ZNF469: variants seen among roughly 807,000 people sequenced by gnomAD.
ZNF469 encodes the protein zinc finger protein 469.
A neutral mutation model predicts 1.0 loss-of-function variants in ZNF469; 1 was observed. The ratio of observed to expected loss-of-function variants is 1.00; its 90% CI spans 0.35 to 4.73. The LOEUF (loss-of-function observed/expected upper bound fraction) is 4.73, where lower values mean the gene tolerates loss of function less well. ZNF469 is among the 30% of genes most tolerant of loss of function. The pLI, the probability that ZNF469 is intolerant of heterozygous loss-of-function variation, is 0.16. For synonymous variants in ZNF469, 2,703 were observed against 2,363.4 expected, an observed-to-expected ratio of 1.14 and a Z score of -4.17; for missense variants, 6,100 against 5,356.3, an observed-to-expected ratio of 1.14 and a Z score of -4.33.
the ZNF469 span, among the ~76,000 whole-genome samples, chr16:88,208,895 G>C: frequency 0.66 from 98,352 of 149,008 alleles, 33,085 homozygotes; most frequent in East Asian, 0.77. Flanking sequence ...ATACCTGCGA[G>C]TCCTTCCCCA....
chr16:88,398,207 A>T lies in ZNF469; in HGVS notation c.-192+14953A>T, dbSNP rs868454303. Among the ~76,000 whole-genome samples, 262 of 152,230 alleles carry T rather than the reference A, an allele frequency of 1.7e-3. 1 individual carries two copies. The highest frequency in any genetic ancestry group is 6.1e-3 in the African/African-American group (252 of 41,530). The stretch of plus-strand genomic sequence containing the variant: ...TGGCAGGTGGGGCTGTGCTCCCTCC[A>T]CCACCCTCCTCACTACTGGTCCTGT... On this transcript the variant is annotated intron_variant, in intron 1 of 2. Coordinates refer to ENST00000565624, the MANE Select transcript of ZNF469 (RefSeq NM_001367624.2).
At chr16:88,151,992 G>A in the ZNF469 span, among the ~76,000 whole-genome samples, 1 of 152,220 alleles carries the variant, frequency 6.6e-6, no homozygotes, top group Non-Finnish European at 1.5e-5. This position sits in a 1 kb window ranked among gnomAD's most constrained non-coding sequence, Gnocchi z 5.4. Context: ...CACACCAGCA[G>A]TAGATACTCC....
At chr16:88,266,453 G>A in the ZNF469 span, among the ~76,000 whole-genome samples, 2 of 152,218 alleles carry the variant, frequency 1.3e-5, no homozygotes, top group African/African-American at 2.4e-5. Flanking sequence ...TCGTGTCCTC[G>A]GGGTCTCACG....
rs765302112 is a variant in ZNF469 at position 88,431,890 on chromosome 16, G to C, written c.4420G>C (p.Ala1474Pro). 16 of 1,549,722 alleles carry C rather than the reference G, an allele frequency of 1.0e-5. No individual in the cohort carries two copies. Among genetic ancestry groups the C allele is most frequent in the Middle Eastern group, 1.7e-4 (1 of 5,990 alleles). ...CCCACCCCTCTATGGCAGCCTGTCT[G>C]CGAACAGGGACTCCGGTCTGCCGTT... The part of the protein sequence containing the change: ...FDPPLYGSLS[A>P]NRDSGLPFAC... Residue 1474 changes from alanine (A) to proline (P), a missense_variant, in exon 3 of 3, where the codon GCG (alanine) becomes CCG (proline). Transcript: ENST00000565624.
At chr16:88,340,015 A>C in the ZNF469 span, among the ~76,000 whole-genome samples, 1 of 151,994 alleles carries the variant, frequency 6.6e-6, no homozygotes, top group Non-Finnish European at 1.5e-5. Flanking sequence ...CTGAGCATGC[A>C]GGGGACAGGT....
At chr16:88,146,336 T>C in the ZNF469 span, among the ~76,000 whole-genome samples, 3 of 152,168 alleles carry the variant, frequency 2.0e-5, no homozygotes, top group Non-Finnish European at 4.4e-5. Context: ...CTTCTGGCTG[T>C]CTTTGTGCCT....
the ZNF469 span, among the ~76,000 whole-genome samples, chr16:88,321,078 G>A: frequency 6.6e-6 from 1 of 152,256 alleles, no homozygotes; most frequent in African/African-American, 2.4e-5. Flanking sequence ...CAGCCAGTCG[G>A]TCCCAGGTTG....
At chr16:88,316,985 C>T in the ZNF469 span, among the ~76,000 whole-genome samples, 50 of 152,304 alleles carry the variant, frequency 3.3e-4, 2 homozygotes, top group African/African-American at 1.2e-3. Flanking sequence ...CACCTGACCT[C>T]GGCATTCTCC....
At chr16:88,343,292 G>T in the ZNF469 span, among the ~76,000 whole-genome samples, 27 of 152,168 alleles carry the variant, frequency 1.8e-4, no homozygotes, top group Non-Finnish European at 4.0e-4. Flanking sequence ...AAAATCCCAA[G>T]GATAGAATAA....
chr16:88,218,257 T>A, the ZNF469 span, among the ~76,000 whole-genome samples: 2 of 149,832 alleles, frequency 1.3e-5, no homozygotes, highest in African/African-American at 4.9e-5. Context: ...GAAGTGTCTG[T>A]TCATGTACTT....
chr16:88,346,068 G>A, the ZNF469 span, among the ~76,000 whole-genome samples: 1 of 152,206 alleles, frequency 6.6e-6, no homozygotes, highest in Admixed American at 6.5e-5. Flanking sequence ...CAGATTTCTG[G>A]CTAAAGTGCT....
chr16:88,347,252 G>A, the ZNF469 span, among the ~76,000 whole-genome samples: 5 of 152,104 alleles, frequency 3.3e-5, no homozygotes, highest in Non-Finnish European at 5.9e-5. Context: ...GGCTACATTC[G>A]ATCCCCCAAA....
the ZNF469 span, among the ~76,000 whole-genome samples, chr16:88,342,390 T>A: frequency 6.6e-6 from 1 of 152,128 alleles, no homozygotes; most frequent in Admixed American, 6.5e-5. Flanking sequence ...CCCAGTTCCC[T>A]GTGCCCCGCT....
At chr16:88,139,595 G>A in the ZNF469 span, among the ~76,000 whole-genome samples, 4 of 149,088 alleles carry the variant, frequency 2.7e-5, no homozygotes, top group Non-Finnish European at 5.9e-5. Context: ...GCCTGGGGAC[G>A]TGATGAAGAA....
chr16:88,210,473 T>C, the ZNF469 span, among the ~76,000 whole-genome samples: 2 of 152,242 alleles, frequency 1.3e-5, no homozygotes, highest in Non-Finnish European at 2.9e-5. Context: ...CCGTCAAATA[T>C]ACCCATCTTC....
chr16:88,382,166 C>T (rs1485999372), upstream of ZNF469, among the ~76,000 whole-genome samples: 2 of 152,262 alleles, frequency 1.3e-5, no homozygotes, highest in African/African-American at 4.8e-5. Flanking sequence ...TGCACCCCTG[C>T]CCTTGGAGGA....
At position 88,427,453 on chromosome 16, in the gene ZNF469, C is replaced by A. The variant is rs568661500; in HGVS notation, c.-18C>A. ...CCCTCGGACAGCTGCGTCGTCCTAG[C>A]GCCAGGACGGAGGGGCCATGCCTGG... is the stretch of plus-strand genomic sequence containing the variant. On this transcript the variant is annotated 5_prime_UTR_variant, in exon 3 of 3. Transcript: ENST00000565624. 9,046 of 1,483,026 alleles carry A rather than the reference C, an allele frequency of 6.1e-3. 46 individuals are homozygous for A. Among genetic ancestry groups the A allele is most frequent in the Non-Finnish European group, 7.4e-3 (8,328 of 1,118,496 alleles). 91.9% of individuals were successfully genotyped at this position (1,483,026 alleles called of 1,614,324 possible).
chr16:88,175,620 A>C, the ZNF469 span, among the ~76,000 whole-genome samples: 1 of 152,254 alleles, frequency 6.6e-6, no homozygotes, highest in Non-Finnish European at 1.5e-5. Context: ...ATCACTAAGA[A>C]AATTAAAAAA....
chr16:88,188,360 G>T, the ZNF469 span, among the ~76,000 whole-genome samples: 1 of 152,152 alleles, frequency 6.6e-6, no homozygotes, highest in Non-Finnish European at 1.5e-5. Context: ...CTTAGTGTCT[G>T]TGTAGACCTG....
Sources: allele counts gnomAD v4.1 joint callset (sites outside exome capture counted in the v4.1 genomes callset), GRCh38; gene constraint gnomAD v4.1.1; non-coding constraint Gnocchi (gnomAD v3.1); transcripts MANE v1.5; gene names NCBI Gene and HGNC (gene_info 2026-07-23, HGNC 2026-07-21).